Variants in RUFY3 observed in about 807,000 individuals in gnomAD.
The protein encoded by RUFY3 is RUN and FYVE domain containing 3.
Under a neutral mutation model 84.0 loss-of-function variants are expected in RUFY3, and 34 were observed. That is an observed-to-expected ratio of 0.40 (90% CI 0.31 to 0.54). The LOEUF (loss-of-function observed/expected upper bound fraction) is 0.54, where lower values mean the gene tolerates loss of function less well. Ranked by LOEUF, RUFY3 falls within the 20% of genes least tolerant of loss-of-function variation. The pLI is 0.39. For synonymous variants in RUFY3, 242 were observed against 252.9 expected (o/e 0.96, Z 0.41); for missense variants, 507 against 736.8 (o/e 0.69, Z 3.61).
intron 1 of RUFY3, among the ~76,000 whole-genome samples, chr4:70,716,736 C>G (rs36025732): frequency 6.6e-6 from 1 of 150,698 alleles, no homozygotes. Flanking sequence ...CCCAGCTACT[C>G]GGGAGTCTGA....
chr4:70,800,404 G>A (rs1246299445), intron 15 of RUFY3, among the ~76,000 whole-genome samples, 199 bp downstream of exon 15: 5 of 152,180 alleles, frequency 3.3e-5, no homozygotes, highest in African/African-American at 1.2e-4. Context: ...CCATTTCAGA[G>A]GAAAGAAGGA....
chr4:70,715,371 G>A lies in RUFY3; in HGVS notation c.358+10077G>A, dbSNP rs369883821. Among the ~76,000 whole-genome samples the A allele has an allele frequency of 4.4e-4, 67 of 151,990 alleles. 1 individual carries two copies. In the East Asian group the frequency reaches 7.6e-3, roughly 17 times the overall value. On this transcript the variant is annotated intron_variant, in intron 1 of 11. Coordinates refer to the RUFY3 transcript ENST00000417478. The stretch of plus-strand genomic sequence containing the variant: ...GGCCGAGGCACGTGGATCTCTCGAG[G>A]TCAGGAGTTCAAGACCAGGCTGGCC...
intron 1 of RUFY3, among the ~76,000 whole-genome samples, chr4:70,708,118 GT>G (rs1032169135): frequency 1.3e-5 from 2 of 152,030 alleles, no homozygotes; most frequent in African/African-American, 4.8e-5. Flanking sequence ...ACGAAACCCT[GT>G]TTTTAAAAAA....
In RUFY3 at chr4:70,807,187, T is replaced by G. The variant is rs1367336988; in HGVS notation, c.*528T>G. 6.6e-6 allele frequency: 1 copy of G among 152,110 alleles called. No homozygotes were observed. Among genetic ancestry groups the G allele is most frequent in the Non-Finnish European group, 1.5e-5 (1 of 68,042 alleles). 9.4% of individuals were successfully genotyped at this position (152,110 alleles called of 1,614,324 possible). A position where few individuals can be genotyped will look rare whatever the true frequency, so the allele number is the denominator to read the frequency against. On this transcript the variant is annotated 3_prime_UTR_variant, in exon 18 of 18. Coordinates refer to ENST00000381006, the MANE Select transcript of RUFY3 (RefSeq NM_001037442.4). ...TATTTCTACCAAACTGTGAACCCAA[T>G]CTCAGGGAAAAGAAATTAAAAAGTA...
intron 1 of RUFY3, among the ~76,000 whole-genome samples, chr4:70,710,929 G>A (rs529453152): frequency 2.0e-5 from 3 of 151,510 alleles, no homozygotes; most frequent in Non-Finnish European, 4.4e-5. Context: ...GCCAGGTATG[G>A]TAGTGCACGC....
intron 12 of RUFY3, 70 bp from the exon 13 acceptor site, chr4:70,793,715 T>C (rs764488395): frequency 1.2e-6 from 2 of 1,611,426 alleles, no homozygotes; most frequent in Non-Finnish European, 1.7e-6. Flanking sequence ...TTATTTTGTG[T>C]TGTGAACTTG....
chr4:70,741,617 G>T, intron 1 of RUFY3: 1 of 1,514,012 alleles, frequency 6.6e-7, no homozygotes, highest in South Asian at 1.2e-5. Context: ...TCTTTTTGCC[G>T]TTTGCAAAGA....
At chr4:70,718,729 C>T (rs376076570), upstream of RUFY3, among the ~76,000 whole-genome samples, 1 of 147,812 alleles carries the variant, frequency 6.8e-6, no homozygotes, top group Non-Finnish European at 1.5e-5. Context: ...TATCTAAAAT[C>T]TTTTTTTTTT....
chr4:70,793,988 C>T, intron 13 of RUFY3, 84 bp downstream of exon 13: 5 of 1,491,386 alleles, frequency 3.4e-6, no homozygotes, highest in Non-Finnish European at 4.5e-6. Flanking sequence ...TCATGACTTC[C>T]AGCCAGGTTG....
chr4:70,723,983 A>T (rs1717804211), intron 1 of RUFY3, among the ~76,000 whole-genome samples: 1 of 152,182 alleles, frequency 6.6e-6, no homozygotes, highest in Non-Finnish European at 1.5e-5. Context: ...TGTCTTTAAG[A>T]ACAATGTTTA....
chr4:70,802,585 A>C (rs1205865748), intron 15 of RUFY3, among the ~76,000 whole-genome samples: 1 of 152,262 alleles, frequency 6.6e-6, no homozygotes, highest in African/African-American at 2.4e-5. Flanking sequence ...ATAGATTTCC[A>C]TAATATCAAA....
At chr4:70,805,584 T>A (rs1732751560) in intron 17 of RUFY3, among the ~76,000 whole-genome samples, 1 of 152,226 alleles carries the variant, frequency 6.6e-6, no homozygotes, top group South Asian at 2.1e-4. Flanking sequence ...TGACCTAGTC[T>A]TAAATTCACA....
At chr4:70,802,481 G>C (rs1187394330) in intron 15 of RUFY3, among the ~76,000 whole-genome samples, 2 of 152,150 alleles carry the variant, frequency 1.3e-5, no homozygotes, top group Non-Finnish European at 2.9e-5. Flanking sequence ...TCTGGTGACA[G>C]TCTCATTCAT....
chr4:70,773,463 G>A, intron 5 of RUFY3, 48 bp from the exon 6 acceptor site: 4 of 1,377,914 alleles, frequency 2.9e-6, no homozygotes, highest in Non-Finnish European at 4.1e-6. Context: ...GTTATGCCTT[G>A]TAAAGAATAT....
Position 70,800,178 on chromosome 4 carries a change from TAAA to T in RUFY3, c.1599_1601del (p.Lys534del), listed in dbSNP as rs1174736910. 1.2e-6 allele frequency: 2 copies of T among 1,606,746 alleles called. No individual in the cohort carries two copies. The highest frequency in any genetic ancestry group is 1.7e-4 in the Middle Eastern group (1 of 5,962). On this transcript the variant is annotated inframe_deletion, in exon 15 of 18. Transcript: ENST00000381006. ...AAAATGCAAGAGGAAAATGTTAAACTAAAAAAGCCCCTGGAAGAAAGCCACAGG... is the reference window on the plus strand; with the variant it reads ...AAAATGCAAGAGGAAAATGTTAAACTAAAGCCCCTGGAAGAAAGCCACAGG...
In RUFY3 at chr4:70,722,529, G is replaced by T. The variant is rs189902567; in HGVS notation, c.-45G>T. 6.4e-7 allele frequency: 1 copy of T among 1,556,072 alleles called. No individual in the cohort carries two copies. The highest frequency in any genetic ancestry group is 1.2e-5 in the South Asian group (1 of 83,196). ...TTATTTTTTTGGTGTGTGTGTGTGAGTGTGTGTGTGTCTGTGTGTGTGTTG... is the reference window on the plus strand; with the variant it reads ...TTATTTTTTTGGTGTGTGTGTGTGATTGTGTGTGTGTCTGTGTGTGTGTTG... On this transcript the variant is annotated 5_prime_UTR_variant, in exon 1 of 18. Transcript: ENST00000381006.
In RUFY3 at chr4:70,808,037, T is replaced by C. The variant is rs1359093967; in HGVS notation, c.*1378T>C. The stretch of plus-strand genomic sequence containing the variant: ...GAGAATGGGTTATATGGTATTTGCA[T>C]ATAACCTACATACATCCTCCTGTGT... On this transcript the variant is annotated 3_prime_UTR_variant, in exon 18 of 18. Transcript: ENST00000381006. 6.6e-6 allele frequency among the ~76,000 whole-genome samples: 1 copy of C among 152,194 alleles called. No homozygotes were observed. The highest frequency in any genetic ancestry group is 2.4e-5 in the African/African-American group (1 of 41,448).
Position 70,794,792 on chromosome 4 carries a change from C to G in RUFY3, c.1458-3C>G. The G allele has an allele frequency of 6.2e-7, 1 of 1,604,274 alleles. No individual in the cohort carries two copies. The highest frequency in any genetic ancestry group is 8.5e-7 in the Non-Finnish European group (1 of 1,171,854). On this transcript the variant is annotated splice_region_variant and splice_polypyrimidine_tract_variant and intron_variant, in intron 13 of 17. Transcript: ENST00000381006. ...CATCCTTTTCCTCTCCAACTTACCT[C>G]AGGAACCAGCTTGAGTTAGAACTAA...
intron 1 of RUFY3, among the ~76,000 whole-genome samples, chr4:70,729,407 C>A (rs1718838293): frequency 6.6e-6 from 1 of 152,122 alleles, no homozygotes; most frequent in Admixed American, 6.6e-5. Context: ...CAGGCGCATA[C>A]CACCACACCC....
Sources: allele counts gnomAD v4.1 joint callset (sites outside exome capture counted in the v4.1 genomes callset), GRCh38; gene constraint gnomAD v4.1.1; transcripts MANE v1.5; gene names NCBI Gene and HGNC (gene_info 2026-07-23, HGNC 2026-07-21).